TUBE1: variants seen among roughly 807,000 people sequenced by gnomAD.
TUBE1 encodes tubulin epsilon chain.
TUBE1 carries 34 observed loss-of-function variants against 53.5 expected under a neutral mutation model. The observed-to-expected ratio is 0.64, with a 90% CI of 0.48 to 0.85. TUBE1 has a LOEUF of 0.85. Ranked by LOEUF, TUBE1 falls within the 40% of genes least tolerant of loss-of-function variation. TUBE1 has a pLI of 0.00. For missense variants in TUBE1, 532 were observed against 570.5 expected, an observed-to-expected ratio of 0.93 and a Z score of 0.69; for synonymous variants, 177 against 198.4, an observed-to-expected ratio of 0.89 and a Z score of 0.91.
intron 6 of TUBE1, chr6:112,079,326 C>G (rs1554316422): frequency 5.0e-6 from 1 of 201,396 alleles, no homozygotes. Context: ...GCTCATACAT[C>G]CTGAAAAGTA....
intron 3 of TUBE1, among the ~76,000 whole-genome samples, chr6:112,084,696 G>A (rs1488444330): frequency 6.6e-6 from 1 of 152,140 alleles, no homozygotes; most frequent in Non-Finnish European, 1.5e-5. Flanking sequence ...GATCTTTGAG[G>A]CATTCCTTTA....
intron 2 of TUBE1, 77 bp from the exon 3 acceptor site, chr6:112,086,685 A>AGTATTATG: frequency 6.4e-6 from 6 of 943,664 alleles, no homozygotes; most frequent in Non-Finnish European, 8.3e-6. Context: ...TTTTAATTAC[A>AGTATTATG]TAATACTGTA....
At chr6:112,081,572 C>A (rs1418148506) in intron 4 of TUBE1, among the ~76,000 whole-genome samples, 2 of 152,060 alleles carry the variant, frequency 1.3e-5, no homozygotes, top group Non-Finnish European at 2.9e-5. Flanking sequence ...ATACTAGGAA[C>A]AATCATGCTG....
At chr6:112,085,864 A>T in intron 3 of TUBE1, 1 of 361,154 alleles carries the variant, frequency 2.8e-6, no homozygotes, top group Non-Finnish European at 5.5e-6. Flanking sequence ...TTTGCAAGCC[A>T]GTGCCCTAGA....
At chr6:112,079,914 T>A (rs1777043569) in intron 5 of TUBE1, among the ~76,000 whole-genome samples, 160 bp from the exon 6 acceptor site, 1 of 151,822 alleles carries the variant, frequency 6.6e-6, no homozygotes, top group African/African-American at 2.4e-5. Context: ...TACAATATCC[T>A]GAAGATACTA....
rs113426468 is a variant in TUBE1, at chr6:112,076,705, G to A, written c.449-196C>T. 3.4e-3 allele frequency: 1,441 copies of A among 418,966 alleles called. 29 individuals are homozygous for A. Among genetic ancestry groups the A allele is most frequent in the African/African-American group, 0.027 (1,325 of 48,854 alleles). The allele number at this position is 418,966 out of a possible 1,614,324, so 26.0% of individuals were successfully genotyped here. ...CTGCCTCAGCCTCCCAAGTATCTGG[G>A]ACCGCAGGCATGAGCCACCACGCCT... On this transcript the variant is annotated intron_variant, in intron 6 of 11. Transcript: ENST00000368662.
At position 112,084,206 on chromosome 6, in the gene TUBE1, A is replaced by C. The variant is rs141844356; in HGVS notation, c.193T>G (p.Cys65Gly). ...TATCTTACTCGTGCTTTTAAAGAACATATTTTTCCCTTGGAAATACTTCCA... is the reference window on the plus strand; with the variant it reads ...TATCTTACTCGTGCTTTTAAAGAACCTATTTTTCCCTTGGAAATACTTCCA... ...DGGSISKGKI[C>G]SLKARAVLID... The change falls in exon 4 of 12, where the codon TGT (cysteine) becomes GGT (glycine). Residue 65 changes from cysteine (C) to glycine (G), a missense_variant. Coordinates refer to ENST00000368662, the MANE Select transcript of TUBE1 (RefSeq NM_016262.5). 2.5e-6 allele frequency: 4 copies of C among 1,612,858 alleles called. No individual in the cohort carries two copies. The highest frequency in any genetic ancestry group is 3.4e-6 in the Non-Finnish European group (4 of 1,179,062).
At chr6:112,083,123 T>G (rs1554316935) in intron 4 of TUBE1, among the ~76,000 whole-genome samples, 2 of 152,036 alleles carry the variant, frequency 1.3e-5, no homozygotes, top group African/African-American at 4.8e-5. Flanking sequence ...CTGCTCTCTC[T>G]ACATCACAAA....
At chr6:112,085,481 AAGT>A (rs1777134072) in intron 3 of TUBE1, 1 of 339,842 alleles carries the variant, frequency 2.9e-6, no homozygotes, top group Non-Finnish European at 5.8e-6. Context: ...GGGTAACAAG[AAGT>A]AAAGAGGTGG....
In TUBE1 at chr6:112,071,571, C is replaced by A; in HGVS notation, c.1270-1G>T. Reference sequence around the variant, plus strand: ...CTTGTAGATAGTGATGAAGGTGAGCCTATAAATTAAAAAATTAGGTAACGT... The same window carrying A: ...CTTGTAGATAGTGATGAAGGTGAGCATATAAATTAAAAAATTAGGTAACGT... On this transcript the variant is annotated splice_acceptor_variant, in intron 11 of 11. Coordinates refer to ENST00000368662, the MANE Select transcript of TUBE1 (RefSeq NM_016262.5). LOFTEE classifies it high-confidence loss of function. The A allele has an allele frequency of 1.3e-6, 2 of 1,592,776 alleles. No individual in the cohort carries two copies. The highest frequency in any genetic ancestry group is 1.7e-6 in the Non-Finnish European group (2 of 1,167,570).
rs768452492 is a variant in TUBE1, at chr6:112,070,982, T to G, written c.*430A>C. ...TTGGTGGCTATTACACGGAAATATT[T>G]ATATTGTGTTCTTCTACTCCCAATA... On this transcript the variant is annotated 3_prime_UTR_variant, in exon 12 of 12. Coordinates refer to ENST00000368662, the MANE Select transcript of TUBE1 (RefSeq NM_016262.5). 6.6e-6 allele frequency: 1 copy of G among 152,108 alleles called. No homozygotes were observed. The allele number at this position is 152,108 out of a possible 1,614,324, so 9.4% of individuals were successfully genotyped here. A position where few individuals can be genotyped will look rare whatever the true frequency, so the allele number is the denominator to read the frequency against.
intron 4 of TUBE1, among the ~76,000 whole-genome samples, chr6:112,082,411 A>C (rs1554316878): frequency 6.6e-6 from 1 of 152,180 alleles, no homozygotes; most frequent in African/African-American, 2.4e-5. Flanking sequence ...AGAAAAAGCA[A>C]ATTGGATTAT....
chr6:112,077,868 T>C (rs1303753100), intron 6 of TUBE1: 3 of 151,934 alleles, frequency 2.0e-5, no homozygotes, highest in African/African-American at 4.8e-5. Context: ...ATACATATGA[T>C]GGGAAGGACT....
rs149425380 is a variant in TUBE1 at position 112,079,699 on chromosome 6, A to G, written c.382T>C (p.Phe128Leu). The change falls in exon 6 of 12, where the codon TTC (phenylalanine) becomes CTC (leucine). Residue 128 changes from phenylalanine to leucine, a missense_variant. Transcript: ENST00000368662. ...SLYQDQILEK[F>L]RKSAEHCDCL... ...TCACAGTGCTCTGCCGACTTTCTGAATTTCTCTAAAATCTGGTCTTGGTAA... is the reference window on the plus strand; with the variant it reads ...TCACAGTGCTCTGCCGACTTTCTGAGTTTCTCTAAAATCTGGTCTTGGTAA... 1,380 of 1,612,208 alleles carry G rather than the reference A, an allele frequency of 8.6e-4. 2 individuals are homozygous for G. The highest frequency in any genetic ancestry group is 1.1e-3 in the Non-Finnish European group (1,281 of 1,178,978).
chr6:112,076,855 A>T (rs1776980037), intron 6 of TUBE1: 2 of 168,102 alleles, frequency 1.2e-5, no homozygotes, highest in Non-Finnish European at 2.5e-5. Flanking sequence ...GGCATGAGCC[A>T]CCACACCTGG....
At chr6:112,082,218 C>CAT (rs1554316864) in intron 4 of TUBE1, among the ~76,000 whole-genome samples, 1 of 152,068 alleles carries the variant, frequency 6.6e-6, no homozygotes, top group Non-Finnish European at 1.5e-5. Context: ...ATAGAGCAAT[C>CAT]ATATATACAC....
intron 3 of TUBE1, chr6:112,085,306 A>T (rs1777130990): frequency 6.2e-6 from 1 of 161,408 alleles, no homozygotes; most frequent in East Asian, 1.8e-4. Flanking sequence ...GAAGTGCAAG[A>T]TGCCACAACC....
chr6:112,080,630 T>A (rs1451668977), intron 5 of TUBE1, among the ~76,000 whole-genome samples: 2 of 152,088 alleles, frequency 1.3e-5, no homozygotes, highest in Non-Finnish European at 2.9e-5. Flanking sequence ...AAGTAATCAC[T>A]GTTGAAGCTT....
At chr6:112,080,660 A>C (rs1201088717) in intron 5 of TUBE1, among the ~76,000 whole-genome samples, 1 of 152,092 alleles carries the variant, frequency 6.6e-6, no homozygotes, top group Non-Finnish European at 1.5e-5. Flanking sequence ...TAAAGAGAAG[A>C]GACCATTATA....
Sources: allele counts gnomAD v4.1 joint callset (sites outside exome capture counted in the v4.1 genomes callset), GRCh38; gene constraint gnomAD v4.1.1; transcripts MANE v1.5; gene names NCBI Gene and HGNC (gene_info 2026-07-23, HGNC 2026-07-21).